SYDE2: variants seen among roughly 807,000 people sequenced by gnomAD.
The protein encoded by SYDE2 is synapse defective Rho GTPase homolog 2, also known as rho GTPase-activating protein SYDE2.
Under a neutral mutation model 91.5 loss-of-function variants are expected in SYDE2, and 76 were observed. The observed-to-expected ratio is 0.83, with a 90% CI of 0.69 to 1.01. The LOEUF (loss-of-function observed/expected upper bound fraction) is 1.01. SYDE2 is among the 50% of genes least tolerant of loss of function. The probability of loss-of-function intolerance (pLI) is 0.00; values close to 1 mark genes in which losing one functional copy is unlikely to be tolerated. For synonymous variants in SYDE2, 513 were observed against 506.4 expected (o/e 1.01, Z -0.18); for missense variants, 1,364 against 1,367.7 (o/e 1.00, Z 0.04).
At position 85,182,545 on chromosome 1, in the gene SYDE2, T is replaced by TA. The variant is rs1356975958; in HGVS notation, c.2096_2097insT (p.Asp701ArgfsTer37). On this transcript the variant is annotated frameshift_variant, in exon 3 of 7. Transcript: ENST00000341460. LOFTEE classifies it high-confidence loss of function. ...CCTGAATTGCACAAAAGACGTCTTT[T>TA]GAATCTATCCGAGGTGGTTTTAAAT... 6.2e-7 allele frequency: 1 copy of TA among 1,613,946 alleles called. No homozygotes were observed. Among genetic ancestry groups the TA allele is most frequent in the Admixed American group, 1.7e-5 (1 of 60,016 alleles).
chr1:85,200,685 G>T lies in SYDE2; in HGVS notation c.312C>A (p.Ser104Arg). ...AKPPPFQRWP[S>R]DSWIRCGAHR... Reference sequence around the variant, plus strand: ...GCGCGCCGCACCTGATCCAGCTGTCGCTCGGCCACCGCTGGAAGGGAGGCG... The same window carrying T: ...GCGCGCCGCACCTGATCCAGCTGTCTCTCGGCCACCGCTGGAAGGGAGGCG... The change falls in exon 1 of 7, where the codon AGC becomes AGA. Residue 104 changes from serine (S) to arginine (R), a missense_variant. Transcript: ENST00000341460. 1 of 1,537,226 alleles carries T rather than the reference G, an allele frequency of 6.5e-7. No individual in the cohort carries two copies. Among genetic ancestry groups the T allele is most frequent in the Non-Finnish European group, 8.7e-7 (1 of 1,146,978 alleles).
chr1:85,200,693 A>G lies in SYDE2; in HGVS notation c.304T>C (p.Trp102Arg). 6.5e-7 allele frequency: 1 copy of G among 1,536,756 alleles called. No individual in the cohort carries two copies. The highest frequency in any genetic ancestry group is 8.7e-7 in the Non-Finnish European group (1 of 1,146,812). ...VGAKPPPFQRWPSDSWIRCGA... is the reference protein window; with the variant it reads ...VGAKPPPFQRRPSDSWIRCGA... Reference sequence around the variant, plus strand: ...CACCTGATCCAGCTGTCGCTCGGCCACCGCTGGAAGGGAGGCGGCTTGGCA... The same window carrying G: ...CACCTGATCCAGCTGTCGCTCGGCCGCCGCTGGAAGGGAGGCGGCTTGGCA... Residue 102 changes from tryptophan to arginine, a missense_variant, in exon 1 of 7, where the codon TGG becomes CGG. Trp to Arg is a moderately radical substitution (Grantham distance 101, BLOSUM62 -3). Transcript: ENST00000341460.
chr1:85,194,305 A>G (rs931795915), intron 1 of SYDE2, among the ~76,000 whole-genome samples: 27 of 150,860 alleles, frequency 1.8e-4, no homozygotes, highest in South Asian at 1.0e-3. Context: ...TTAGCTTCAT[A>G]TATATGAAAT....
chr1:85,165,840 A>T (rs1192161071), intron 5 of SYDE2, among the ~76,000 whole-genome samples: 2 of 150,064 alleles, frequency 1.3e-5, no homozygotes, highest in African/African-American at 4.9e-5. Context: ...TGTATTGAAG[A>T]CATTGATGCC....
intron 4 of SYDE2, among the ~76,000 whole-genome samples, chr1:85,171,603 A>G (rs1426291509): frequency 6.6e-6 from 1 of 152,200 alleles, no homozygotes; most frequent in South Asian, 2.1e-4. Context: ...CATGCCAGCC[A>G]TACTAAATCA....
In SYDE2 at chr1:85,190,764, A is replaced by G. The variant is rs768080544; in HGVS notation, c.746-12T>C. On this transcript the variant is annotated splice_polypyrimidine_tract_variant and intron_variant, in intron 1 of 6. Coordinates refer to ENST00000341460, the MANE Select transcript of SYDE2 (RefSeq NM_032184.2). ...ATTTTCAAATAAATCTGTTGCAAAG[A>G]TAGAATAGAAGGTAGAATATAATGG... The G allele has an allele frequency of 6.3e-7, 1 of 1,575,964 alleles. No individual in the cohort carries two copies. Among genetic ancestry groups the G allele is most frequent in the Non-Finnish European group, 8.6e-7 (1 of 1,161,366 alleles).
At chr1:85,164,429 G>A in intron 6 of SYDE2, 97 bp downstream of exon 6, 1 of 921,388 alleles carries the variant, frequency 1.1e-6, no homozygotes, top group Non-Finnish European at 1.5e-6. Context: ...GCAAAATCTA[G>A]AAGAGTTTCT....
chr1:85,180,172 T>C (rs1382767295), intron 3 of SYDE2, among the ~76,000 whole-genome samples: 1 of 152,134 alleles, frequency 6.6e-6, no homozygotes, highest in Non-Finnish European at 1.5e-5. Context: ...CAAAGACCCA[T>C]GCCACAAACT....
At chr1:85,191,833 A>G (rs1281842498) in intron 1 of SYDE2, among the ~76,000 whole-genome samples, 1 of 152,152 alleles carries the variant, frequency 6.6e-6, no homozygotes, top group Non-Finnish European at 1.5e-5. Context: ...TAATATAAGT[A>G]AGACTCTACA....
At chr1:85,173,909 A>G (rs557238339) in intron 4 of SYDE2, among the ~76,000 whole-genome samples, 160 of 152,330 alleles carry the variant, frequency 1.1e-3, no homozygotes, top group African/African-American at 3.6e-3. Flanking sequence ...TGAAAAACCC[A>G]TATCGAACTT....
chr1:85,168,429 A>G (rs1339633017), intron 5 of SYDE2, among the ~76,000 whole-genome samples: 1 of 152,114 alleles, frequency 6.6e-6, no homozygotes, highest in Non-Finnish European at 1.5e-5. Context: ...CATTTCTCCT[A>G]TTTTCCCTTC....
chr1:85,191,800 A>G (rs1395071962), intron 1 of SYDE2, among the ~76,000 whole-genome samples: 2 of 152,066 alleles, frequency 1.3e-5, no homozygotes, highest in Non-Finnish European at 2.9e-5. Flanking sequence ...GGAGACCTCA[A>G]ATGCTTAGAT....
rs777412323 is a variant in SYDE2 at position 85,190,054 on chromosome 1, T to C, written c.1441+3A>G. 1.7e-5 allele frequency: 27 copies of C among 1,581,374 alleles called. No homozygotes were observed. Among genetic ancestry groups the C allele is most frequent in the Non-Finnish European group, 2.3e-5 (27 of 1,161,934 alleles). ...AGAAAGACACATATATGATCATTTT[T>C]ACCTGCAAAAGGAGATTTCAACATG... On this transcript the variant is annotated splice_donor_region_variant and intron_variant, in intron 2 of 6. Coordinates refer to ENST00000341460, the MANE Select transcript of SYDE2 (RefSeq NM_032184.2).
At chr1:85,161,001 CACTG>C in intron 6 of SYDE2, 1 of 980,584 alleles carries the variant, frequency 1.0e-6, no homozygotes, top group Non-Finnish European at 1.2e-6. Flanking sequence ...AAACCAACAT[CACTG>C]ACTTTTTAGA....
At chr1:85,193,447 C>A (rs746045528) in intron 1 of SYDE2, among the ~76,000 whole-genome samples, 1 of 152,116 alleles carries the variant, frequency 6.6e-6, no homozygotes, top group Non-Finnish European at 1.5e-5. Context: ...TAGCTAGACA[C>A]ATTCATTATT....
chr1:85,195,632 C>T (rs1658559611), intron 1 of SYDE2, among the ~76,000 whole-genome samples: 2 of 151,890 alleles, frequency 1.3e-5, no homozygotes, highest in Admixed American at 6.6e-5. Flanking sequence ...ACTCTGAGAC[C>T]GTTTTCAGTT....
chr1:85,155,642 C>T (rs1656864418), downstream of SYDE2, among the ~76,000 whole-genome samples: 1 of 152,148 alleles, frequency 6.6e-6, no homozygotes, highest in Non-Finnish European at 1.5e-5. Context: ...ATGTATGAAG[C>T]ATTCTGCTTA....
chr1:85,200,991 G>C lies in SYDE2; in HGVS notation c.6C>G (p.His2Gln), dbSNP rs982016674. 4 of 1,303,450 alleles carry C rather than the reference G, an allele frequency of 3.1e-6. No individual in the cohort carries two copies. Among genetic ancestry groups the C allele is most frequent in the Non-Finnish European group, 3.9e-6 (4 of 1,034,350 alleles). The allele number at this position is 1,303,450 out of a possible 1,614,324, so 80.7% of individuals were successfully genotyped here. A position where few individuals can be genotyped will look rare whatever the true frequency, so the allele number is the denominator to read the frequency against. The change falls in exon 1 of 7, where the codon CAC (histidine) becomes CAG (glutamine). Residue 2 changes from histidine to glutamine, a missense_variant. By Grantham distance (24) the His-to-Gln change is conservative (BLOSUM62 0). Coordinates refer to ENST00000341460, the MANE Select transcript of SYDE2 (RefSeq NM_032184.2). ...GCGCGCCCGAGTCAGGGGGCAGGTC[G>C]TGCATGGCCTGGATCAGCAGATAAT... Reference protein sequence around the residue: MHDLPPDSGARR... With the variant: MQDLPPDSGARR...
chr1:85,166,365 T>G (rs552989295), intron 5 of SYDE2, among the ~76,000 whole-genome samples: 57 of 151,994 alleles, frequency 3.8e-4, no homozygotes, highest in African/African-American at 1.4e-3. Flanking sequence ...TTTTTTTTTT[T>G]GTAGAGACAG....
Sources: gnomAD v4.1 joint callset for allele counts (sites outside exome capture counted in the v4.1 genomes callset) on GRCh38, gnomAD v4.1.1 for gene constraint, MANE v1.5 for transcripts, NCBI Gene and HGNC (gene_info 2026-07-23, HGNC 2026-07-21) for gene names.